The following NHS variants were observed in gnomAD, a reference collection of about 807,000 sequenced individuals.
NHS encodes NHS actin remodeling regulator.
In NHS, 5 loss-of-function variants were observed where a neutral mutation model predicts 72.5. The observed-to-expected ratio is 0.07, with a 90% CI of 0.04 to 0.14. NHS has a LOEUF of 0.14. Among genes scored for constraint, NHS ranks in the 10% least tolerant of loss-of-function variants. The pLI is 1.00. For synonymous variants in NHS, 464 were observed against 547.7 expected (o/e 0.85, Z 2.13); for missense variants, 1,072 against 1,355.7 (o/e 0.79, Z 3.29).
At chrX:17,667,198 C>T (rs749174732) in intron 1 of NHS, among the ~76,000 whole-genome samples, 1 of 112,492 alleles carries the variant, frequency 8.9e-6, no homozygotes, top group Admixed American at 9.4e-5. Context: ...TCGTGGCTCA[C>T]TTATTGCTAA....
intron 1 of NHS, among the ~76,000 whole-genome samples, chrX:17,564,138 C>A (rs971739089): frequency 8.9e-6 from 1 of 111,893 alleles, no homozygotes; most frequent in African/African-American, 3.3e-5. Context: ...AGTAGACAGA[C>A]CCGAAACAGC....
At chrX:17,555,235 T>A (rs1323554434) in intron 1 of NHS, among the ~76,000 whole-genome samples, 1 of 109,107 alleles carries the variant, frequency 9.2e-6, no homozygotes, top group African/African-American at 3.3e-5. Flanking sequence ...GTTATTTTTT[T>A]TTTTTTTTTC....
rs757576729 is a variant in NHS, at chrX:17,724,320, C to T, written c.1130C>T (p.Ala377Val). 6 of 1,209,789 alleles carry T rather than the reference C, an allele frequency of 5.0e-6. No individual in the cohort carries two copies. The highest frequency in any genetic ancestry group is 6.7e-6 in the Non-Finnish European group (6 of 895,029). The change falls in exon 6 of 9, where the codon GCT becomes GTT. Residue 377 changes from alanine to valine, a missense_variant. Transcript: ENST00000676302. ...NVTGVGFDRE[A>V]SIRCSLVHSQ... ...GCAGGAGTTGGCTTTGACAGAGAGG[C>T]TAGTATACGCTGCTCTCTGGTTCAT...
chrX:17,488,778 T>TC (rs1159818279), intron 1 of NHS, among the ~76,000 whole-genome samples: 1 of 111,950 alleles, frequency 8.9e-6, no homozygotes, highest in Non-Finnish European at 1.9e-5. Context: ...ATCTATGTAT[T>TC]CTTTTTTTCT....
At chrX:17,597,125 T>G (rs935209252) in intron 1 of NHS, among the ~76,000 whole-genome samples, 5 of 101,751 alleles carry the variant, frequency 4.9e-5, no homozygotes, top group South Asian at 5.0e-4. Context: ...CGTTTTTTTT[T>G]TTTTTTTTTT....
chrX:17,411,700 G>GA, intron 1 of NHS, among the ~76,000 whole-genome samples: 1 of 111,245 alleles, frequency 9.0e-6, no homozygotes. Flanking sequence ...AGAAATAGAG[G>GA]AAAAAATGAA....
chrX:17,511,729 G>C lies in NHS; in HGVS notation c.565+135407G>C, dbSNP rs1187402933. The stretch of plus-strand genomic sequence containing the variant: ...TCCCTTTTCTGCCTTGGTGGCAGAT[G>C]CTCATAAGAAGATGACTCGTATCCC... On this transcript the variant is annotated intron_variant, in intron 1 of 8. Coordinates refer to ENST00000676302, the MANE Select transcript of NHS (RefSeq NM_001291867.2). Among the ~76,000 whole-genome samples, 6 of 111,785 alleles carry C rather than the reference G, an allele frequency of 5.4e-5. No individual in the cohort carries two copies. In the Admixed American group the frequency reaches 5.7e-4, roughly 11 times the overall value.
intron 1 of NHS, among the ~76,000 whole-genome samples, chrX:17,605,419 C>T (rs977315434): frequency 9.0e-6 from 1 of 111,440 alleles, no homozygotes; most frequent in Non-Finnish European, 1.9e-5. Context: ...CTAGGTAAAG[C>T]GCTGGTCCAA....
chrX:17,463,064 G>A (rs896347987), intron 1 of NHS, among the ~76,000 whole-genome samples: 5 of 112,165 alleles, frequency 4.5e-5, no homozygotes, highest in African/African-American at 1.6e-4. Flanking sequence ...ATAGCACACT[G>A]GGTTGTGCAA....
At position 17,733,057 on chromosome X, in the gene NHS, A is replaced by T. The variant is rs1474503690; in HGVS notation, c.*593A>T. 2.6e-5 allele frequency: 3 copies of T among 115,118 alleles called. No individual in the cohort carries two copies. Among genetic ancestry groups the T allele is most frequent in the African/African-American group, 9.7e-5 (3 of 31,002 alleles). 9.5% of individuals were successfully genotyped at this position (115,118 alleles called of 1,213,427 possible). A position where few individuals can be genotyped will look rare whatever the true frequency, so the allele number is the denominator to read the frequency against. On this transcript the variant is annotated 3_prime_UTR_variant, in exon 9 of 9. Coordinates refer to ENST00000676302, the MANE Select transcript of NHS (RefSeq NM_001291867.2). ...ACTGTATTCTGTGAATACCATTTTC[A>T]TATCAAATGCCATATTTAAATGTCC...
At chrX:17,538,408 G>C (rs1194654275) in intron 1 of NHS, among the ~76,000 whole-genome samples, 1 of 111,722 alleles carries the variant, frequency 9.0e-6, no homozygotes, top group Non-Finnish European at 1.9e-5. Context: ...AGCTGACATA[G>C]GTGCACTAAA....
intron 1 of NHS, among the ~76,000 whole-genome samples, chrX:17,583,884 A>C (rs1400995591): frequency 8.9e-6 from 1 of 112,415 alleles, no homozygotes; most frequent in Non-Finnish European, 1.9e-5. Flanking sequence ...AAATATATTT[A>C]GGCCATTTCC....
At chrX:17,538,868 T>G (rs2065247735) in intron 1 of NHS, among the ~76,000 whole-genome samples, 1 of 112,040 alleles carries the variant, frequency 8.9e-6, no homozygotes, top group Non-Finnish European at 1.9e-5. Context: ...ATGTCCAGGT[T>G]GGATGTACAG....
chrX:17,615,086 A>ATG (rs1339796940), intron 1 of NHS, among the ~76,000 whole-genome samples: 3 of 95,479 alleles, frequency 3.1e-5, no homozygotes, highest in East Asian at 3.1e-4. Context: ...ATATATATAT[A>ATG]TGTGTGTATA....
chrX:17,601,658 A>T (rs1294395690), intron 1 of NHS, among the ~76,000 whole-genome samples: 1 of 112,018 alleles, frequency 8.9e-6, no homozygotes, highest in Non-Finnish European at 1.9e-5. Context: ...GTGGAAATTC[A>T]TCCAGATTGG....
intron 3 of NHS, among the ~76,000 whole-genome samples, chrX:17,711,511 A>G (rs1451710437): frequency 2.7e-5 from 3 of 112,548 alleles, no homozygotes; most frequent in Non-Finnish European, 5.6e-5. Flanking sequence ...TTTAAAATAT[A>G]TAAAATTATT....
chrX:17,714,406 T>C (rs1232079849), intron 3 of NHS, among the ~76,000 whole-genome samples: 1 of 111,507 alleles, frequency 9.0e-6, no homozygotes, highest in Non-Finnish European at 1.9e-5. Flanking sequence ...CTGCCACTCT[T>C]GTACTGAGTG....
At chrX:17,585,979 G>A (rs1246968301) in intron 1 of NHS, 2 of 110,520 alleles carry the variant, frequency 1.8e-5, no homozygotes, top group Non-Finnish European at 3.8e-5. Context: ...CAAAAGGCGG[G>A]ACCAGACTGG....
intron 4 of NHS, among the ~76,000 whole-genome samples, chrX:17,720,865 C>T (rs918438534): frequency 8.9e-6 from 1 of 112,326 alleles, no homozygotes; most frequent in African/African-American, 3.2e-5. Flanking sequence ...CATGTGCATA[C>T]AAGTGTTCAT....
Sources: gnomAD v4.1 joint callset for allele counts (sites outside exome capture counted in the v4.1 genomes callset) on GRCh38, gnomAD v4.1.1 for gene constraint, MANE v1.5 for transcripts, NCBI Gene and HGNC (gene_info 2026-07-23, HGNC 2026-07-21) for gene names.